DIS3L2: variants seen among roughly 807,000 people sequenced by gnomAD.
DIS3L2 encodes DIS3-like exonuclease 2.
Under a neutral mutation model 97.5 loss-of-function variants are expected in DIS3L2, and 34 were observed. The observed-to-expected ratio is 0.35, with a 90% confidence interval of 0.27 to 0.46. DIS3L2 has a LOEUF of 0.46. Among genes scored for constraint, DIS3L2 ranks in the 20% least tolerant of loss-of-function variants. The probability of loss-of-function intolerance (pLI) is 1.00; values close to 1 mark genes in which losing one functional copy is unlikely to be tolerated. For missense variants in DIS3L2, 1,038 were observed against 1,146.0 expected, an observed-to-expected ratio of 0.91 and a Z score of 1.36; for synonymous variants, 435 against 445.2, an observed-to-expected ratio of 0.98 and a Z score of 0.29.
chr2:232,086,276 C>T (rs1696588280), intron 5 of DIS3L2, among the ~76,000 whole-genome samples: 1 of 148,406 alleles, frequency 6.7e-6, no homozygotes, highest in Non-Finnish European at 1.5e-5. Flanking sequence ...CGTGTATATA[C>T]ATATACGTAT....
At chr2:232,301,887 T>C (rs1201219131) in intron 14 of DIS3L2, among the ~76,000 whole-genome samples, 2 of 146,640 alleles carry the variant, frequency 1.4e-5, no homozygotes, top group African/African-American at 5.0e-5. Context: ...TGATGTTCCC[T>C]AGGCTGGTCT....
intron 1 of DIS3L2, among the ~76,000 whole-genome samples, chr2:231,981,331 A>G (rs987434546): frequency 1.3e-5 from 2 of 151,926 alleles, no homozygotes; most frequent in African/African-American, 4.8e-5. Flanking sequence ...CTTAGAATTG[A>G]TCTTTTTTTC....
chr2:232,000,303 A>C (rs1406544989), intron 1 of DIS3L2, among the ~76,000 whole-genome samples: 1 of 152,188 alleles, frequency 6.6e-6, no homozygotes, highest in Non-Finnish European at 1.5e-5. Flanking sequence ...CAGAGAGATG[A>C]CTGTATACAA....
At chr2:232,329,785 T>TGCCGGGGGGGCCCCC in intron 14 of DIS3L2, 28 bp from the exon 15 acceptor site, 17 of 967,140 alleles carry the variant, frequency 1.8e-5, no homozygotes, top group East Asian at 6.2e-5. Context: ...ACCCCAGCGG[T>TGCCGGGGGGGCCCCC]CCCTCCCATC....
At chr2:232,105,618 A>G (rs2106327474) in intron 6 of DIS3L2, among the ~76,000 whole-genome samples, 1 of 152,274 alleles carries the variant, frequency 6.6e-6, no homozygotes, top group East Asian at 1.9e-4. Flanking sequence ...CTAACATTAC[A>G]AAGGACTTAT....
chr2:232,203,789 T>A (rs1178450778), intron 9 of DIS3L2, among the ~76,000 whole-genome samples: 1 of 152,156 alleles, frequency 6.6e-6, no homozygotes, highest in African/African-American at 2.4e-5. Context: ...TCTTTGGGGC[T>A]GTGAGGGTTT....
downstream of DIS3L2, among the ~76,000 whole-genome samples, chr2:232,337,608 C>G (rs1195689014): frequency 1.3e-5 from 2 of 152,132 alleles, no homozygotes; most frequent in African/African-American, 2.4e-5. Context: ...TACTCCTTCC[C>G]CCTCCGTGGG....
At chr2:232,283,873 C>G (rs1384959240) in intron 13 of DIS3L2, among the ~76,000 whole-genome samples, 3 of 152,076 alleles carry the variant, frequency 2.0e-5, no homozygotes, top group East Asian at 3.9e-4. Flanking sequence ...CACAAATGTA[C>G]GTGTGTGACC....
At chr2:232,242,509 A>G (rs1022665939) in intron 11 of DIS3L2, among the ~76,000 whole-genome samples, 6 of 152,104 alleles carry the variant, frequency 3.9e-5, no homozygotes, top group South Asian at 2.1e-4. Context: ...CCTTGCCTGA[A>G]TGATTGATTC....
intron 5 of DIS3L2, among the ~76,000 whole-genome samples, chr2:232,069,177 G>T (rs1257074037): frequency 1.3e-5 from 2 of 152,118 alleles, no homozygotes; most frequent in Non-Finnish European, 2.9e-5. Context: ...GAAATCTGAG[G>T]TAAGGGACTG....
intron 4 of DIS3L2, among the ~76,000 whole-genome samples, chr2:232,028,614 G>A (rs1040879521): frequency 1.7e-4 from 26 of 152,128 alleles, no homozygotes; most frequent in African/African-American, 5.1e-4. Context: ...TGTTTGACAC[G>A]TGAGTATGGG....
At chr2:232,018,258 CA>C (rs1288008126) in intron 3 of DIS3L2, among the ~76,000 whole-genome samples, 1 of 141,094 alleles carries the variant, frequency 7.1e-6, no homozygotes, top group East Asian at 2.1e-4. Context: ...TGCTGATACT[CA>C]AACAAAACAA....
At chr2:232,321,659 G>T (rs183678958) in intron 14 of DIS3L2, among the ~76,000 whole-genome samples, 3 of 152,320 alleles carry the variant, frequency 2.0e-5, no homozygotes, top group African/African-American at 4.8e-5. Flanking sequence ...AGCCCTGGGC[G>T]ACTCAGACAG....
chr2:232,196,233 T>C (rs1691751270), intron 9 of DIS3L2, among the ~76,000 whole-genome samples: 1 of 152,200 alleles, frequency 6.6e-6, no homozygotes, highest in Non-Finnish European at 1.5e-5. Context: ...CTCCAAGCAC[T>C]GGGATTACAG....
intron 3 of DIS3L2, among the ~76,000 whole-genome samples, chr2:232,016,454 C>A (rs1694355459): frequency 6.6e-6 from 1 of 151,974 alleles, no homozygotes; most frequent in South Asian, 2.1e-4. Context: ...GGGTATATGG[C>A]AAAATATTGG....
At chr2:232,213,213 A>C (rs1305529108) in intron 10 of DIS3L2, among the ~76,000 whole-genome samples, 1 of 152,140 alleles carries the variant, frequency 6.6e-6, no homozygotes, top group Non-Finnish European at 1.5e-5. Context: ...TAATGTGGCA[A>C]TAATAGTTGT....
chr2:232,157,523 T>C (rs1690525155), intron 8 of DIS3L2, among the ~76,000 whole-genome samples: 2 of 152,236 alleles, frequency 1.3e-5, no homozygotes, highest in South Asian at 4.1e-4. Context: ...TTGAGTGCGA[T>C]AATAGCTTAA....
At chr2:232,296,652 C>T (rs1162994404) in intron 13 of DIS3L2, among the ~76,000 whole-genome samples, 1 of 152,224 alleles carries the variant, frequency 6.6e-6, no homozygotes, top group African/African-American at 2.4e-5. Flanking sequence ...CCACGTAAGA[C>T]TTGCCTTTGC....
At chr2:232,230,937 C>A (rs1245783072) in intron 10 of DIS3L2, among the ~76,000 whole-genome samples, 2 of 152,080 alleles carry the variant, frequency 1.3e-5, no homozygotes, top group Non-Finnish European at 2.9e-5. Context: ...CGCTCTGGCT[C>A]TCCTGCCTGG....
Sources: allele counts gnomAD v4.1 joint callset (sites outside exome capture counted in the v4.1 genomes callset), GRCh38; gene constraint gnomAD v4.1.1; transcripts MANE v1.5; gene names NCBI Gene and HGNC (gene_info 2026-07-23, HGNC 2026-07-21).